NCAM1: variants seen among roughly 807,000 people sequenced by gnomAD.
NCAM1 encodes antigen recognized by monoclonal antibody 5.1H11.
A neutral mutation model predicts 109.8 loss-of-function variants in NCAM1; 14 were observed. The ratio of observed to expected loss-of-function variants is 0.13; its 90% CI spans 0.08 to 0.20. NCAM1 has a LOEUF of 0.20. NCAM1 is among the 10% of genes least tolerant of loss of function. The pLI is 1.00. For synonymous variants in NCAM1, 418 were observed against 442.9 expected (o/e 0.94, Z 0.70); for missense variants, 774 against 1,109.9 (o/e 0.70, Z 4.30).
chr11:112,998,628 A>G (rs1488891099), intron 1 of NCAM1, among the ~76,000 whole-genome samples: 2 of 151,932 alleles, frequency 1.3e-5, no homozygotes, highest in South Asian at 2.1e-4. Context: ...AAATACAAAC[A>G]TTTACTACTT....
intron 1 of NCAM1, among the ~76,000 whole-genome samples, chr11:113,048,690 T>C (rs1953355601): frequency 6.6e-6 from 1 of 152,202 alleles, no homozygotes; most frequent in Non-Finnish European, 1.5e-5. Flanking sequence ...GTATGGACTT[T>C]GGGTTATCCT....
In NCAM1 at chr11:113,235,039, T is replaced by C; in HGVS notation, c.1700T>C (p.Met567Thr). 1 of 1,557,350 alleles carries C rather than the reference T, an allele frequency of 6.4e-7. No homozygotes were observed. The highest frequency in any genetic ancestry group is 2.4e-5 in the East Asian group (1 of 41,206). Residue 567 changes from methionine to threonine, a missense_variant, in exon 14 of 20, where the codon ATG (methionine) becomes ACG (threonine). Transcript: ENST00000316851. Reference protein sequence around the residue: ...SKWYDAKEASMEGIVTIVGLK... With the variant: ...SKWYDAKEASTEGIVTIVGLK... ...CCTTCCCATATTATAACAGCCAGCATGGAGGGCATCGTCACCATCGTGGGC... is the reference window on the plus strand; with the variant it reads ...CCTTCCCATATTATAACAGCCAGCACGGAGGGCATCGTCACCATCGTGGGC...
chr11:112,964,133 TTTTTTTG>T (rs1950655088), intron 1 of NCAM1, among the ~76,000 whole-genome samples: 1 of 107,862 alleles, frequency 9.3e-6, no homozygotes, highest in Non-Finnish European at 1.9e-5. Context: ...TCTGAGGTTT[TTTTTTTG>T]TTTTTTTTTT....
At chr11:113,259,092 C>T (rs1278829911) in intron 16 of NCAM1, among the ~76,000 whole-genome samples, 2 of 149,394 alleles carry the variant, frequency 1.3e-5, no homozygotes, top group African/African-American at 4.9e-5. Flanking sequence ...CGCTCTGTCG[C>T]CCAGGCTGGA....
intron 14 of NCAM1, chr11:113,243,037 A>G (rs1555119400): frequency 3.2e-6 from 3 of 941,034 alleles, no homozygotes; most frequent in Admixed American, 6.2e-5. Flanking sequence ...ACCAAGCATC[A>G]GCAAAAGAAC....
At chr11:113,252,745 C>T (rs1055201935) in intron 15 of NCAM1, among the ~76,000 whole-genome samples, 5 of 145,826 alleles carry the variant, frequency 3.4e-5, no homozygotes, top group South Asian at 2.3e-4. Context: ...AAGTGGTTCT[C>T]GTGCCTCAGC....
chr11:113,017,300 A>G (rs1477398643), intron 1 of NCAM1, among the ~76,000 whole-genome samples: 1 of 152,204 alleles, frequency 6.6e-6, no homozygotes, highest in African/African-American at 2.4e-5. Flanking sequence ...ACTTGGATGG[A>G]AATTTAATTG....
intron 1 of NCAM1, among the ~76,000 whole-genome samples, chr11:112,965,565 A>C (rs575840605): frequency 1.3e-5 from 2 of 152,204 alleles, no homozygotes; most frequent in Non-Finnish European, 2.9e-5. Context: ...TTTGTTCACT[A>C]CAGAACCCAG....
Position 113,274,918 on chromosome 11 carries a change from C to A in NCAM1, c.2457-349C>A, listed in dbSNP as rs375589200. 1.1e-3 allele frequency among the ~76,000 whole-genome samples: 174 copies of A among 152,340 alleles called. 2 individuals are homozygous for A. Among genetic ancestry groups the A allele is most frequent in the East Asian group, 4.2e-3 (22 of 5,180 alleles). ...TGAGGAGGAGCTGCCTCTGCTGCCC[C>A]CTTCCACCACCCCAGGTAAAAACAC... On this transcript the variant is annotated intron_variant, in intron 19 of 19. Coordinates refer to ENST00000316851, the MANE Select transcript of NCAM1 (RefSeq NM_181351.5). The surrounding 1 kb of genome is among the most constrained non-coding windows in gnomAD (Gnocchi z 4.1).
At position 113,171,401 on chromosome 11, in the gene NCAM1, G is replaced by A. The variant is rs372815533; in HGVS notation, c.53-30978G>A. 2.3e-3 allele frequency among the ~76,000 whole-genome samples: 348 copies of A among 152,258 alleles called. 1 individual carries two copies. Among genetic ancestry groups the A allele is most frequent in the African/African-American group, 8.0e-3 (331 of 41,552 alleles). The stretch of plus-strand genomic sequence containing the variant: ...AATCCCAGCACTTTGGGAGGCCGAC[G>A]CGGGTAGATCACCAGAGATCAAGAG... On this transcript the variant is annotated intron_variant, in intron 1 of 19. Transcript: ENST00000316851.
intron 7 of NCAM1, among the ~76,000 whole-genome samples, chr11:113,212,006 G>T (rs1013841964): frequency 4.7e-4 from 71 of 152,186 alleles, no homozygotes; most frequent in African/African-American, 1.6e-3. Flanking sequence ...AGGGCAGGGG[G>T]TGTAGGAAGA....
At chr11:113,055,500 G>C (rs1250758123) in intron 1 of NCAM1, among the ~76,000 whole-genome samples, 3 of 152,202 alleles carry the variant, frequency 2.0e-5, no homozygotes, top group African/African-American at 7.2e-5. Context: ...AAAAGATTAA[G>C]ATTGTATGGT....
chr11:113,100,099 TGG>T (rs1450015764), intron 1 of NCAM1, among the ~76,000 whole-genome samples: 2 of 152,202 alleles, frequency 1.3e-5, no homozygotes, highest in Admixed American at 6.5e-5. Flanking sequence ...CTATTGTACT[TGG>T]TAGAAGACAC....
rs199506206 is a variant in NCAM1 at position 113,206,338 on chromosome 11, CTTTTTTTTT to C, written c.628+167_628+175del. Among the ~76,000 whole-genome samples, 418 of 136,236 alleles carry C rather than the reference CTTTTTTTTT, an allele frequency of 3.1e-3. 1 individual carries two copies. Among genetic ancestry groups the C allele is most frequent in the African/African-American group, 0.011 (399 of 37,056 alleles). 89.4% of individuals were successfully genotyped at this position (136,236 alleles called of 152,430 possible). A position where few individuals can be genotyped will look rare whatever the true frequency, so the allele number is the denominator to read the frequency against. Reference sequence around the variant, plus strand: ...CCTCCCCACCGTAACATCTAGATTTCTTTTTTTTTTTTTTTTTAATATACTTGCCTGTTG... The same window carrying C: ...CCTCCCCACCGTAACATCTAGATTTCTTTTTTTTAATATACTTGCCTGTTG... On this transcript the variant is annotated intron_variant, in intron 5 of 19. Coordinates refer to ENST00000316851, the MANE Select transcript of NCAM1 (RefSeq NM_181351.5).
Position 113,221,528 on chromosome 11 carries a change from A to G in NCAM1, c.1089+203A>G, listed in dbSNP as rs555822364. ...GTTGGGAGTGGATGAACAAATCCAT[A>G]TTATTTCCTAAAACTGGATCTTATT... On this transcript the variant is annotated intron_variant, in intron 9 of 19. Coordinates refer to ENST00000316851, the MANE Select transcript of NCAM1 (RefSeq NM_181351.5). 7.7e-4 allele frequency: 384 copies of G among 499,248 alleles called. 2 individuals carry two copies. Among genetic ancestry groups the G allele is most frequent in the Middle Eastern group, 3.6e-3 (9 of 2,516 alleles). The allele number at this position is 499,248 out of a possible 1,614,324, so 30.9% of individuals were successfully genotyped here.
At chr11:113,081,951 T>G (rs1555087283) in intron 1 of NCAM1, among the ~76,000 whole-genome samples, 1 of 152,252 alleles carries the variant, frequency 6.6e-6, no homozygotes, top group Non-Finnish European at 1.5e-5. Context: ...TTGCACAAAA[T>G]TTGTATGCCA....
chr11:112,996,312 C>G (rs782737986), intron 1 of NCAM1, among the ~76,000 whole-genome samples: 1 of 152,160 alleles, frequency 6.6e-6, no homozygotes, highest in Non-Finnish European at 1.5e-5. Context: ...GCTCTACCCT[C>G]AACAACTTCT....
intron 1 of NCAM1, among the ~76,000 whole-genome samples, chr11:113,094,634 A>G (rs571526055): frequency 2.9e-4 from 44 of 152,254 alleles, no homozygotes; most frequent in African/African-American, 9.9e-4. Context: ...AGGGCTTGTA[A>G]TTCGCTGCTG....
intron 1 of NCAM1, among the ~76,000 whole-genome samples, chr11:113,199,955 A>G (rs76793645): frequency 6.6e-6 from 1 of 151,650 alleles, no homozygotes; most frequent in Admixed American, 6.6e-5. Context: ...TCCTGGCCGC[A>G]TTTGGATATG....
Sources: gnomAD v4.1 joint callset for allele counts (sites outside exome capture counted in the v4.1 genomes callset) on GRCh38, gnomAD v4.1.1 for gene constraint, Gnocchi (gnomAD v3.1) non-coding constraint, MANE v1.5 for transcripts, NCBI Gene and HGNC (gene_info 2026-07-23, HGNC 2026-07-21) for gene names.